The following DNAH10 variants were observed in gnomAD, a reference collection of about 807,000 sequenced individuals.
DNAH10 encodes the protein dynein axonemal heavy chain 10, also known as axonemal beta dynein heavy chain 10.
DNAH10 carries 348 observed loss-of-function variants against 506.6 expected under a neutral mutation model. The ratio of observed to expected loss-of-function variants is 0.69; its 90% CI spans 0.63 to 0.75. The LOEUF (loss-of-function observed/expected upper bound fraction) is 0.75, where lower values mean the gene tolerates loss of function less well. DNAH10 is among the 30% of genes least tolerant of loss of function. The pLI, the probability that DNAH10 is intolerant of heterozygous loss-of-function variation, is 0.00. For missense variants in DNAH10, 5,179 were observed against 5,787.1 expected, an observed-to-expected ratio of 0.89 and a Z score of 3.41; for synonymous variants, 2,059 against 2,198.6, an observed-to-expected ratio of 0.94 and a Z score of 1.78.
At chr12:123,872,851 T>C (rs969349883) in intron 45 of DNAH10, among the ~76,000 whole-genome samples, 1 of 152,126 alleles carries the variant, frequency 6.6e-6, no homozygotes, top group Non-Finnish European at 1.5e-5. Flanking sequence ...ATCTACCAAA[T>C]TGGAAACTCT....
In DNAH10 at chr12:123,803,738, G is replaced by A. The variant is rs1958556865; in HGVS notation, c.2692G>A (p.Ala898Thr). 3 of 1,611,480 alleles carry A rather than the reference G, an allele frequency of 1.9e-6. No homozygotes were observed. The highest frequency in any genetic ancestry group is 1.7e-5 in the Admixed American group (1 of 58,978). ...ESLVHQIHKN[A>T]DDISSRLTLI... ...TCTCGTCCACCAGATTCATAAGAAT[G>A]CAGATGACATTTCTTCCAGGCTGAC... The change falls in exon 17 of 79, where the codon GCA becomes ACA. Residue 898 changes from alanine to threonine, a missense_variant. Physicochemically the swap from Ala to Thr is moderately conservative, Grantham distance 58. Coordinates refer to ENST00000673944, the MANE Select transcript of DNAH10 (RefSeq NM_001372106.1).
chr12:123,772,941 A>C lies in DNAH10; in HGVS notation c.504A>C (p.Lys168Asn). The C allele has an allele frequency of 1.1e-5, 17 of 1,606,218 alleles. No homozygotes were observed. The highest frequency in any genetic ancestry group is 1.4e-5 in the Non-Finnish European group (17 of 1,173,466). Residue 168 changes from lysine to asparagine, a missense_variant and splice_region_variant, in exon 4 of 79, where the codon AAA (lysine) becomes AAC (asparagine). Physicochemically the swap from Lys to Asn is moderately conservative, Grantham distance 94 (BLOSUM62 0). Coordinates refer to ENST00000673944, the MANE Select transcript of DNAH10 (RefSeq NM_001372106.1). ...QNVVFFLRNT[K>N]EAISEATDMK... ...TGGTGTTTTTCCTCAGAAATACCAA[A>C]GGTACATTTCTGGCACGTGTGTGTG...
rs1292589542 is a variant in DNAH10, at chr12:123,903,409, A to C, written c.9815+296A>C. 6.6e-6 allele frequency among the ~76,000 whole-genome samples: 1 copy of C among 152,194 alleles called. No homozygotes were observed. The highest frequency in any genetic ancestry group is 2.4e-5 in the African/African-American group (1 of 41,448). Reference sequence around the variant, plus strand: ...GGAGTGGGGTAAAACAGTGCTCTTCACGGAACATGCGGGGGCAAGTGTCCG... The same window carrying C: ...GGAGTGGGGTAAAACAGTGCTCTTCCCGGAACATGCGGGGGCAAGTGTCCG... On this transcript the variant is annotated intron_variant, in intron 57 of 78. Coordinates refer to ENST00000673944, the MANE Select transcript of DNAH10 (RefSeq NM_001372106.1). The surrounding 1 kb of genome is among the most constrained non-coding windows in gnomAD (Gnocchi z 4.6).
At position 123,914,994 on chromosome 12, in the gene DNAH10, C is replaced by G; in HGVS notation, c.10717C>G (p.Leu3573Val). 6.2e-7 allele frequency: 1 copy of G among 1,606,160 alleles called. No individual in the cohort carries two copies. The highest frequency in any genetic ancestry group is 8.5e-7 in the Non-Finnish European group (1 of 1,176,524). Residue 3573 changes from leucine (L) to valine (V), a missense_variant, in exon 62 of 79, where the codon CTG (leucine) becomes GTG (valine). Physicochemically the swap from Leu to Val is conservative, Grantham distance 32. Transcript: ENST00000673944. ...WIKRKEEKNN[L>V]RVASFNDPDF... is the part of the protein sequence containing the mutation. ...CAAGAGAAAAGAGGAGAAGAACAAT[C>G]TGCGGGTATGGTGGCTCCTCCCAGG...
At chr12:123,892,618 C>T (rs980645041) in intron 52 of DNAH10, among the ~76,000 whole-genome samples, 1 of 152,224 alleles carries the variant, frequency 6.6e-6, no homozygotes, top group African/African-American at 2.4e-5. Flanking sequence ...GGTGAGCAGC[C>T]GTGGCCTGCC....
At chr12:123,841,660 C>T in intron 30 of DNAH10, 115 bp downstream of exon 30, 2 of 936,498 alleles carry the variant, frequency 2.1e-6, no homozygotes, top group Non-Finnish European at 1.6e-6. Flanking sequence ...TGTTTTTTTG[C>T]AATAGGTCAT....
intron 39 of DNAH10, among the ~76,000 whole-genome samples, chr12:123,864,150 T>C (rs1005651403): frequency 0.027 from 3,973 of 147,992 alleles, 112 homozygotes; most frequent in African/African-American, 0.07. Context: ...TTTCTTTTTT[T>C]TTTTTTTTTT....
chr12:123,920,490 C>G (rs1292811000), intron 65 of DNAH10, among the ~76,000 whole-genome samples: 1 of 152,170 alleles, frequency 6.6e-6, no homozygotes, highest in Non-Finnish European at 1.5e-5. Flanking sequence ...ACTTTTTTAG[C>G]AAAAACAGGC....
chr12:123,780,136 C>T (rs1356130657), intron 5 of DNAH10, among the ~76,000 whole-genome samples: 1 of 133,614 alleles, frequency 7.5e-6, no homozygotes, highest in Non-Finnish European at 1.6e-5. Context: ...TTTCCCCTCC[C>T]TCCCTCCCTC....
rs535427560 is a variant in DNAH10, at chr12:123,862,627, G to A, written c.6908+1457G>A. Among the ~76,000 whole-genome samples the A allele has an allele frequency of 3.9e-5, 6 of 152,222 alleles. No individual in the cohort carries two copies. The South Asian group carries it at 1.2e-3, about 32-fold the overall frequency. On this transcript the variant is annotated intron_variant, in intron 39 of 78. Coordinates refer to ENST00000673944, the MANE Select transcript of DNAH10 (RefSeq NM_001372106.1). ...GCTTGTCTTGAACTCCTGGGCCCAA[G>A]GAATCCTCCTGCCTCAGCCAACTAC...
At chr12:123,784,823 G>A (rs1435861803) in intron 8 of DNAH10, among the ~76,000 whole-genome samples, 1 of 152,180 alleles carries the variant, frequency 6.6e-6, no homozygotes, top group Non-Finnish European at 1.5e-5. Flanking sequence ...CATATAAGGG[G>A]AGTCATGCAG....
intron 25 of DNAH10, among the ~76,000 whole-genome samples, chr12:123,829,905 A>G (rs61181360): frequency 4.0e-4 from 61 of 152,374 alleles, no homozygotes; most frequent in African/African-American, 1.4e-3. Context: ...GGTGAAGAGC[A>G]GAGCTGCCCC....
Position 123,785,919 on chromosome 12 carries a change from C to A in DNAH10, c.1404C>A (p.Asn468Lys), listed in dbSNP as rs769355576. ...EIAERVCRVV[N>K]LRTLFKENRA... Reference sequence around the variant, plus strand: ...CTGAGAGAGTCTGCCGAGTGGTCAACCTGCGGACTTTGTTCAAGTAAGAAG... The same window carrying A: ...CTGAGAGAGTCTGCCGAGTGGTCAAACTGCGGACTTTGTTCAAGTAAGAAG... The change falls in exon 9 of 79, where the codon AAC becomes AAA. Residue 468 changes from asparagine to lysine, a missense_variant. Around this residue, in one of 3 missense-constraint regions of DNAH10, gnomAD observed 4,844 missense variants for 5,430.5 expected, o/e 0.89. Transcript: ENST00000673944. The surrounding 1 kb of genome is among the most constrained non-coding windows in gnomAD (Gnocchi z 4.1). 1.9e-6 allele frequency: 3 copies of A among 1,610,908 alleles called. No individual in the cohort carries two copies. Among genetic ancestry groups the A allele is most frequent in the Non-Finnish European group, 2.5e-6 (3 of 1,177,594 alleles).
chr12:123,820,562 G>C lies in DNAH10; in HGVS notation c.4001-18G>C. 6.2e-7 allele frequency: 1 copy of C among 1,608,452 alleles called. No individual in the cohort carries two copies. Among genetic ancestry groups the C allele is most frequent in the Non-Finnish European group, 8.5e-7 (1 of 1,176,822 alleles). On this transcript the variant is annotated intron_variant, in intron 23 of 78. Transcript: ENST00000673944. ...TTAAAATTGTATTTATTCACTCATC[G>C]GTGTATTTATTTACTAGGAGTAGAG...
chr12:123,804,731 G>C, intron 17 of DNAH10, 102 bp from the exon 18 acceptor site: 1 of 1,158,042 alleles, frequency 8.6e-7, no homozygotes, highest in Non-Finnish European at 1.2e-6. Flanking sequence ...TTGGAGGCTG[G>C]TTTTGGTTTT....
chr12:123,802,124 G>C (rs185083974), intron 16 of DNAH10, among the ~76,000 whole-genome samples: 1 of 152,292 alleles, frequency 6.6e-6, no homozygotes, highest in East Asian at 1.9e-4. Context: ...ACCATAGTTT[G>C]TTCAGCCTTT....
chr12:123,934,534 G>A, intron 77 of DNAH10, 87 bp from the exon 78 acceptor site: 3 of 1,533,102 alleles, frequency 2.0e-6, no homozygotes, highest in Non-Finnish European at 2.7e-6. Flanking sequence ...AGTGGCCTGT[G>A]TGTCGCTGTG....
chr12:123,921,693 T>G (rs895118512), intron 65 of DNAH10, among the ~76,000 whole-genome samples: 2 of 7,726 alleles, frequency 2.6e-4, no homozygotes, highest in Admixed American at 2.2e-3. Flanking sequence ...AGCTTGCAGT[T>G]TTTTTTTTTT....
chr12:123,881,710 A>G lies in DNAH10; in HGVS notation c.8720A>G (p.His2907Arg). The G allele has an allele frequency of 6.5e-7, 1 of 1,550,038 alleles. No homozygotes were observed. Among genetic ancestry groups the G allele is most frequent in the Non-Finnish European group, 8.7e-7 (1 of 1,146,460 alleles). ...DDALEHLTRVHRIIRMDRGHA... is the reference protein window; with the variant it reads ...DDALEHLTRVRRIIRMDRGHA... The stretch of plus-strand genomic sequence containing the variant: ...GCTCTGGAGCATTTAACCCGGGTGC[A>G]CCGTATCATCCGCATGGACCGCGGC... The change falls in exon 51 of 79, where the codon CAC (histidine) becomes CGC (arginine). Residue 2907 changes from histidine to arginine, a missense_variant. Coordinates refer to ENST00000673944, the MANE Select transcript of DNAH10 (RefSeq NM_001372106.1).
Sources: allele counts gnomAD v4.1 joint callset (sites outside exome capture counted in the v4.1 genomes callset), GRCh38; gene constraint gnomAD v4.1.1; regional missense constraint gnomAD v4.1.1; non-coding constraint Gnocchi (gnomAD v3.1); transcripts MANE v1.5; gene names NCBI Gene and HGNC (gene_info 2026-07-23, HGNC 2026-07-21).